Variants in APLP2 observed in about 807,000 individuals in gnomAD.
APLP2 encodes the protein CDEI box-binding protein.
A neutral mutation model predicts 89.9 loss-of-function variants in APLP2; 53 were observed. That is an observed-to-expected ratio of 0.59 (90% CI 0.47 to 0.74). APLP2 has a LOEUF of 0.74. APLP2 is among the 30% of genes least tolerant of loss of function. The pLI is 0.00. For synonymous variants in APLP2, 372 were observed against 348.6 expected (o/e 1.07, Z -0.75); for missense variants, 973 against 975.9 (o/e 1.00, Z 0.04).
chr11:130,121,931 G>A, intron 5 of APLP2, 121 bp downstream of exon 5: 2 of 1,439,002 alleles, frequency 1.4e-6, no homozygotes, highest in Non-Finnish European at 1.9e-6. Flanking sequence ...TGTTCTGCTA[G>A]AGTTGATTAA....
intron 3 of APLP2, 88 bp downstream of exon 3, chr11:130,110,749 A>T: frequency 1.4e-6 from 2 of 1,434,138 alleles, no homozygotes; most frequent in Non-Finnish European, 1.9e-6. Flanking sequence ...AAATATTTAC[A>T]CCTGTTAAGA....
At chr11:130,120,960 T>G (rs1485648724) in intron 4 of APLP2, 142 bp downstream of exon 4, 1 of 663,612 alleles carries the variant, frequency 1.5e-6, no homozygotes, top group African/African-American at 1.8e-5. Context: ...TTCTGTCTTA[T>G]AAGTTAGAAA....
intron 3 of APLP2, among the ~76,000 whole-genome samples, chr11:130,117,979 A>T (rs1949391550): frequency 1.3e-5 from 2 of 151,654 alleles, no homozygotes; most frequent in Non-Finnish European, 1.5e-5. Flanking sequence ...TGGGAGGCTG[A>T]GGCAGGAGAA....
intron 11 of APLP2, among the ~76,000 whole-genome samples, chr11:130,133,384 A>G (rs1023784025): frequency 3.3e-5 from 5 of 152,130 alleles, no homozygotes; most frequent in African/African-American, 1.2e-4. Flanking sequence ...CACCCTCCCA[A>G]AGTGCTGGAA....
At chr11:130,092,258 G>A (rs1477630743) in intron 1 of APLP2, among the ~76,000 whole-genome samples, 1 of 138,942 alleles carries the variant, frequency 7.2e-6, no homozygotes. Flanking sequence ...AGGCAGAGGG[G>A]CTCCTCACAT....
intron 1 of APLP2, among the ~76,000 whole-genome samples, chr11:130,090,891 G>T (rs1367003475): frequency 4.2e-5 from 6 of 143,390 alleles, no homozygotes; most frequent in African/African-American, 1.7e-4. Context: ...CCGGGCGGGG[G>T]GGCTGACCCC....
At position 130,121,688 on chromosome 11, in the gene APLP2, C is replaced by A. The variant is rs892653367; in HGVS notation, c.591C>A (p.Gly197=). Residue 197 remains glycine, a synonymous_variant, in exon 5 of 17, where the codon GGC becomes GGA. Transcript: ENST00000338167. ...CATGTGGGGTAGACCAGTTCCATGG[C>A]ACTGAATATGTGTGCTGCCCTCAGA... ...LLPCGVDQFH[G]TEYVCCPQTK... is the part of the protein sequence containing the mutation. 5.6e-6 allele frequency: 9 copies of A among 1,613,998 alleles called. No homozygotes were observed. Among genetic ancestry groups the A allele is most frequent in the Non-Finnish European group, 7.6e-6 (9 of 1,180,036 alleles).
chr11:130,086,982 A>G (rs1054216941), intron 1 of APLP2, among the ~76,000 whole-genome samples: 1 of 152,246 alleles, frequency 6.6e-6, no homozygotes, highest in Non-Finnish European at 1.5e-5. Context: ...GTTTCTGTGA[A>G]AAAACAAAAC....
intron 1 of APLP2, among the ~76,000 whole-genome samples, chr11:130,089,408 C>T (rs1019017916): frequency 2.0e-5 from 3 of 152,226 alleles, no homozygotes; most frequent in African/African-American, 7.2e-5. Context: ...GTAGCTGTCG[C>T]TCTCCTGTGC....
intron 4 of APLP2, among the ~76,000 whole-genome samples, chr11:130,121,221 TC>T (rs1453451268): frequency 6.6e-6 from 1 of 152,208 alleles, no homozygotes; most frequent in African/African-American, 2.4e-5. Flanking sequence ...TTTCTTGTCT[TC>T]TGTAATTAGG....
rs57644238 is a variant in APLP2 at position 130,141,198 on chromosome 11, G to A, written c.1924-300G>A. The A allele has an allele frequency of 3.9e-3, 1,196 of 303,618 alleles. 11 individuals carry two copies. Among genetic ancestry groups the A allele is most frequent in the African/African-American group, 0.024 (1,110 of 45,732 alleles). The allele number at this position is 303,618 out of a possible 1,614,324, so 18.8% of individuals were successfully genotyped here. ...TGGGATTACAGGCGTGAGCCACCGC[G>A]CCTGGTGTAAACGGGGCTTTTTGGC... is the stretch of plus-strand genomic sequence containing the variant. On this transcript the variant is annotated intron_variant, in intron 14 of 16. Transcript: ENST00000338167. This position sits in a 1 kb window ranked among gnomAD's most constrained non-coding sequence, Gnocchi z 4.2.
rs1948271365 is a variant in APLP2, at chr11:130,109,542, T to C, written c.219T>C (p.Asp73=). The C allele has an allele frequency of 6.2e-7, 1 of 1,613,712 alleles. No individual in the cohort carries two copies. ...TTCAGACTGGGAAATGGGAACCTGA[T>C]CCAACAGGCACCAAGAGCTGCTTTG... ...VNIQTGKWEP[D]PTGTKSCFET... Residue 73 remains aspartate, a synonymous_variant, in exon 2 of 17, where the codon GAT becomes GAC. Transcript: ENST00000338167.
In APLP2 at chr11:130,141,849, A is replaced by G; in HGVS notation, c.1999-70A>G. ...TCGACCTTCCAGGAGCGTGGCCCTC[A>G]GTGAGTTACTTGCCTCACGGCTGCC... On this transcript the variant is annotated intron_variant, in intron 15 of 16. Transcript: ENST00000338167. The surrounding 1 kb of genome is among the most constrained non-coding windows in gnomAD (Gnocchi z 4.2). 2 of 1,536,746 alleles carry G rather than the reference A, an allele frequency of 1.3e-6. No individual in the cohort carries two copies. The highest frequency in any genetic ancestry group is 1.8e-6 in the Non-Finnish European group (2 of 1,131,014).
chr11:130,122,154 A>C, intron 5 of APLP2, 151 bp from the exon 6 acceptor site: 1 of 906,414 alleles, frequency 1.1e-6, no homozygotes, highest in Middle Eastern at 3.6e-4. Context: ...TTGCTGATGT[A>C]GCTGGGCCCC....
Position 130,109,679 on chromosome 11 carries a change from T to C in APLP2, c.279+77T>C, listed in dbSNP as rs955154270. 1.7e-5 allele frequency: 24 copies of C among 1,448,904 alleles called. No individual in the cohort carries two copies. The African/African-American group carries it at 3.0e-4, about 18-fold the overall frequency. 89.8% of individuals were successfully genotyped at this position (1,448,904 alleles called of 1,614,324 possible). On this transcript the variant is annotated intron_variant, in intron 2 of 16. Transcript: ENST00000338167. The stretch of plus-strand genomic sequence containing the variant: ...AATCTGTTTACCTTAGAAATAGATA[T>C]TCTGTCATTCTCTTTTGACCTAAGA...
chr11:130,077,642 G>A (rs369380824), intron 1 of APLP2, among the ~76,000 whole-genome samples: 4 of 151,110 alleles, frequency 2.6e-5, no homozygotes, highest in Admixed American at 2.0e-4. Context: ...CACTGGATAC[G>A]GAAATATAAC....
intron 1 of APLP2, among the ~76,000 whole-genome samples, chr11:130,080,723 G>A (rs1251935791): frequency 7.0e-6 from 1 of 143,544 alleles, no homozygotes; most frequent in Non-Finnish European, 1.5e-5. Flanking sequence ...TTGAGATGGA[G>A]TCTTGCTTTG....
rs1159555187 is a variant in APLP2 at position 130,135,701 on chromosome 11, T to C, written c.1823T>C (p.Leu608Pro). The C allele has an allele frequency of 5.0e-6, 8 of 1,613,936 alleles. No individual in the cohort carries two copies. Among genetic ancestry groups the C allele is most frequent in the Non-Finnish European group, 6.8e-6 (8 of 1,179,994 alleles). Residue 608 changes from leucine to proline, a missense_variant, in exon 13 of 17, where the codon CTA becomes CCA. Coordinates refer to ENST00000338167, the MANE Select transcript of APLP2 (RefSeq NM_001142276.2). ...PFHPFHPFPA[L>P]PENEGSGVGE... ...CACCCCTTCCACCCCTTCCCAGCCCTACCTGAGAACGAAGGTGTGTATGGG... is the reference window on the plus strand; with the variant it reads ...CACCCCTTCCACCCCTTCCCAGCCCCACCTGAGAACGAAGGTGTGTATGGG...
intron 1 of APLP2, among the ~76,000 whole-genome samples, chr11:130,093,036 C>G (rs1031819157): frequency 2.0e-5 from 3 of 152,126 alleles, no homozygotes; most frequent in African/African-American, 7.2e-5. Context: ...ATACCCCTCC[C>G]TACCTGGCAG....
Sources: allele counts gnomAD v4.1 joint callset (sites outside exome capture counted in the v4.1 genomes callset), GRCh38; gene constraint gnomAD v4.1.1; non-coding constraint Gnocchi (gnomAD v3.1); transcripts MANE v1.5; gene names NCBI Gene and HGNC (gene_info 2026-07-23, HGNC 2026-07-21).